Variants in FER1L5 observed in about 807,000 individuals in gnomAD.
The protein encoded by FER1L5 is fer-1-like protein 5.
A neutral mutation model predicts 279.9 loss-of-function variants in FER1L5; 187 were observed. The observed-to-expected ratio is 0.67, with a 90% CI of 0.59 to 0.75. The LOEUF is 0.75. Ranked by LOEUF, FER1L5 falls within the 30% of genes least tolerant of loss-of-function variation. FER1L5 has a pLI of 0.00. For missense variants in FER1L5, 2,091 were observed against 2,594.4 expected (o/e 0.81, Z 4.21); for synonymous variants, 921 against 989.7 (o/e 0.93, Z 1.30).
intron 23 of FER1L5, among the ~76,000 whole-genome samples, chr2:96,687,490 T>C (rs1337765407): frequency 1.3e-5 from 2 of 152,234 alleles, no homozygotes; most frequent in Non-Finnish European, 2.9e-5. Context: ...TCCAGGACTA[T>C]GATGCACACT....
intron 24 of FER1L5, among the ~76,000 whole-genome samples, chr2:96,688,528 G>T (rs1327087433): frequency 6.6e-6 from 1 of 152,206 alleles, no homozygotes; most frequent in African/African-American, 2.4e-5. Context: ...TGGCTCCCCG[G>T]GGGAAGGACA....
rs1277207171 is a variant in FER1L5 at position 96,699,711 on chromosome 2, C to A, written c.4772C>A (p.Ser1591Tyr). 2 of 1,613,832 alleles carry A rather than the reference C, an allele frequency of 1.2e-6. No homozygotes were observed. Among genetic ancestry groups the A allele is most frequent in the Non-Finnish European group, 1.7e-6 (2 of 1,179,854 alleles). The change falls in exon 43 of 53, where the codon TCC (serine) becomes TAC (tyrosine). Residue 1591 changes from serine to tyrosine, a missense_variant. Coordinates refer to ENST00000624922, the MANE Select transcript of FER1L5 (RefSeq NM_001293083.2). Reference sequence around the variant, plus strand: ...GGAGCTCATTGTGGGCTCTCCAAATCCTACTGCCAGTGAGAGTGGGCCCGT... The same window carrying A: ...GGAGCTCATTGTGGGCTCTCCAAATACTACTGCCAGTGAGAGTGGGCCCGT... Reference protein sequence around the residue: ...GFGAHCGLSKSYCQSGPFRWR... With the variant: ...GFGAHCGLSKYYCQSGPFRWR...
intron 12 of FER1L5, 44 bp downstream of exon 12, chr2:96,661,835 T>C (rs2075965287): frequency 6.5e-7 from 1 of 1,549,472 alleles, no homozygotes. Context: ...TGAGATTCCC[T>C]ACACGGTGAT....
In FER1L5 at chr2:96,701,451, C is replaced by T. The variant is rs951225406; in HGVS notation, c.5071-504C>T. On this transcript the variant is annotated intron_variant, in intron 45 of 52. Transcript: ENST00000624922. ...GTTGGCAGTTCTCCCCTTTTCTTTCCTTTTCTCCTCCTTCTCATCCCTTAC... is the reference window on the plus strand; with the variant it reads ...GTTGGCAGTTCTCCCCTTTTCTTTCTTTTTCTCCTCCTTCTCATCCCTTAC... Among the ~76,000 whole-genome samples, 5 of 152,260 alleles carry T rather than the reference C, an allele frequency of 3.3e-5. No homozygotes were observed. In the South Asian group the frequency reaches 1.0e-3, roughly 32 times the overall value.
intron 19 of FER1L5, among the ~76,000 whole-genome samples, chr2:96,679,221 A>T (rs892121714): frequency 6.8e-6 from 1 of 147,978 alleles, no homozygotes; most frequent in African/African-American, 2.5e-5. Context: ...GGCGACACAC[A>T]CCTATAGTTT....
chr2:96,672,411 G>A (rs1309143632), intron 18 of FER1L5, among the ~76,000 whole-genome samples: 1 of 152,112 alleles, frequency 6.6e-6, no homozygotes, highest in Admixed American at 6.6e-5. Context: ...AAGGAAATGA[G>A]AACAGGTGGT....
At position 96,702,268 on chromosome 2, in the gene FER1L5, C is replaced by A. The variant is rs2077611559; in HGVS notation, c.5160-38C>A. The A allele has an allele frequency of 1.3e-6, 2 of 1,594,968 alleles. No homozygotes were observed. The highest frequency in any genetic ancestry group is 4.6e-5 in the East Asian group (2 of 43,866). On this transcript the variant is annotated intron_variant, in intron 46 of 52. Transcript: ENST00000624922. This position sits in a 1 kb window ranked among gnomAD's most constrained non-coding sequence, Gnocchi z 4.0. Reference sequence around the variant, plus strand: ...CCTCACTGAGGCTGCAGCTGGGGAGCTCCTCCTCAGCAAAGCCTCAGAGCA... The same window carrying A: ...CCTCACTGAGGCTGCAGCTGGGGAGATCCTCCTCAGCAAAGCCTCAGAGCA...
chr2:96,689,069 C>A lies in FER1L5; in HGVS notation c.2362-144C>A. On this transcript the variant is annotated intron_variant, in intron 24 of 52. Coordinates refer to ENST00000624922, the MANE Select transcript of FER1L5 (RefSeq NM_001293083.2). This position sits in a 1 kb window ranked among gnomAD's most constrained non-coding sequence, Gnocchi z 4.6. Reference sequence around the variant, plus strand: ...CTGGGCCTCAGTGCCCTCACCTGTGCAATGGGGACATGGCCCTTTCTTGCC... The same window carrying A: ...CTGGGCCTCAGTGCCCTCACCTGTGAAATGGGGACATGGCCCTTTCTTGCC... 1 of 968,740 alleles carries A rather than the reference C, an allele frequency of 1.0e-6. No individual in the cohort carries two copies. Among genetic ancestry groups the A allele is most frequent in the Non-Finnish European group, 1.5e-6 (1 of 664,528 alleles). The allele number at this position is 968,740 out of a possible 1,614,324, so 60.0% of individuals were successfully genotyped here. A position where few individuals can be genotyped will look rare whatever the true frequency, so the allele number is the denominator to read the frequency against.
intron 14 of FER1L5, among the ~76,000 whole-genome samples, chr2:96,668,326 C>T (rs993732991): frequency 3.9e-5 from 6 of 151,938 alleles, no homozygotes; most frequent in South Asian, 4.2e-4. Flanking sequence ...GAGTTCGAGA[C>T]CAGCTTGGGC....
chr2:96,698,723 C>G lies in FER1L5; in HGVS notation c.4409C>G (p.Pro1470Arg). 6.3e-7 allele frequency: 1 copy of G among 1,581,824 alleles called. No homozygotes were observed. Residue 1470 changes from proline (P) to arginine (R), a missense_variant, in exon 41 of 53, where the codon CCG (proline) becomes CGG (arginine). Physicochemically the swap from Pro to Arg is moderately radical, Grantham distance 103. Coordinates refer to ENST00000624922, the MANE Select transcript of FER1L5 (RefSeq NM_001293083.2). The surrounding 1 kb of genome is among the most constrained non-coding windows in gnomAD (Gnocchi z 5.5). ...FPENPEAPKP[P>R]LQFLVWPERE... ...GAGAATCCAGAAGCCCCAAAGCCCC[C>G]GCTGCAGTTCTTGGTTTGGCCAGAG...
Position 96,695,799 on chromosome 2 carries a change from T to C in FER1L5, c.3952T>C (p.Trp1318Arg), listed in dbSNP as rs772908405. Residue 1318 changes from tryptophan (W) to arginine (R), a missense_variant, in exon 36 of 53, where the codon TGG (tryptophan) becomes CGG (arginine). Physicochemically the swap from Trp to Arg is moderately radical, Grantham distance 101. Transcript: ENST00000624922. ...CCTCGTGGTGAAGGTGGTAGACAAC[T>C]GGGCCTTCGGCCAGCAGACCGTGAC... Reference protein sequence around the residue: ...LPLVVKVVDNWAFGQQTVTGQ... With the variant: ...LPLVVKVVDNRAFGQQTVTGQ... The C allele has an allele frequency of 6.2e-7, 1 of 1,613,012 alleles. No homozygotes were observed. The highest frequency in any genetic ancestry group is 1.1e-5 in the South Asian group (1 of 90,816).
In FER1L5 at chr2:96,694,153, T is replaced by G. The variant is rs1214210262; in HGVS notation, c.3636+81T>G. The G allele has an allele frequency of 6.1e-6, 9 of 1,465,006 alleles. No homozygotes were observed. The Admixed American group carries it at 2.1e-4, about 34-fold the overall frequency. The allele number at this position is 1,465,006 out of a possible 1,614,324, so 90.8% of individuals were successfully genotyped here. A position where few individuals can be genotyped will look rare whatever the true frequency, so the allele number is the denominator to read the frequency against. On this transcript the variant is annotated intron_variant, in intron 33 of 52. Transcript: ENST00000624922. This position sits in a 1 kb window ranked among gnomAD's most constrained non-coding sequence, Gnocchi z 4.6. ...CCACCCCCAGCCAGCGGGGGCCAAC[T>G]CCACCCTGTCAGGAAATGCCTGGGG...
Position 96,670,304 on chromosome 2 carries a change from C to T in FER1L5, c.1491+57C>T, listed in dbSNP as rs1023528880. The T allele has an allele frequency of 4.5e-6, 7 of 1,542,720 alleles. No individual in the cohort carries two copies. The Admixed American group carries it at 5.9e-5, about 13-fold the overall frequency. On this transcript the variant is annotated intron_variant, in intron 18 of 52. Coordinates refer to ENST00000624922, the MANE Select transcript of FER1L5 (RefSeq NM_001293083.2). ...AACAAGAGCCCTGTCTGCCCCGGATCTACTGTGGATCCCAGTTTCTGACCG... is the reference window on the plus strand; with the variant it reads ...AACAAGAGCCCTGTCTGCCCCGGATTTACTGTGGATCCCAGTTTCTGACCG...
intron 23 of FER1L5, 113 bp from the exon 24 acceptor site, chr2:96,687,703 C>T: frequency 1.4e-6 from 2 of 1,468,026 alleles, no homozygotes; most frequent in Non-Finnish European, 1.8e-6. Flanking sequence ...TCAGTGAGGG[C>T]CCCGCTCCCA....
chr2:96,659,462 T>C (rs1210083181), intron 9 of FER1L5, among the ~76,000 whole-genome samples: 6 of 27,664 alleles, frequency 2.2e-4, no homozygotes, highest in Non-Finnish European at 3.3e-4. Flanking sequence ...TCTTTCTTTC[T>C]TTCTTTCTTT....
chr2:96,645,899 G>T (rs1399934153), intron 1 of FER1L5, among the ~76,000 whole-genome samples: 5 of 151,704 alleles, frequency 3.3e-5, no homozygotes, highest in Non-Finnish European at 1.5e-5. Flanking sequence ...AAGAAATGTT[G>T]AACCCACACA....
chr2:96,696,134 GGGCCTAA>G (rs2077370177), intron 37 of FER1L5, 57 bp downstream of exon 37: 1 of 1,607,582 alleles, frequency 6.2e-7, no homozygotes, highest in African/African-American at 1.3e-5. Flanking sequence ...TATAACCCTT[GGGCCTAA>G]GGAGGGGTGT....
Position 96,702,218 on chromosome 2 carries a change from AG to A in FER1L5, c.5160-85del. 6.4e-7 allele frequency: 1 copy of A among 1,567,940 alleles called. No homozygotes were observed. The highest frequency in any genetic ancestry group is 8.6e-7 in the Non-Finnish European group (1 of 1,156,806). On this transcript the variant is annotated intron_variant, in intron 46 of 52. Coordinates refer to ENST00000624922, the MANE Select transcript of FER1L5 (RefSeq NM_001293083.2). The surrounding 1 kb of genome is among the most constrained non-coding windows in gnomAD (Gnocchi z 4.0). ...TTCCCCACACTGAGCAAAAACACACAGGGCAGCCTCCCAGGCTTCTCTGCCC... is the reference window on the plus strand; with the variant it reads ...TTCCCCACACTGAGCAAAAACACACAGGCAGCCTCCCAGGCTTCTCTGCCC...
chr2:96,690,000 G>A lies in FER1L5; in HGVS notation c.2640+242G>A, dbSNP rs1056215326. On this transcript the variant is annotated intron_variant, in intron 26 of 52. Coordinates refer to ENST00000624922, the MANE Select transcript of FER1L5 (RefSeq NM_001293083.2). The surrounding 1 kb of genome is among the most constrained non-coding windows in gnomAD (Gnocchi z 4.6). The stretch of plus-strand genomic sequence containing the variant: ...AAAGGGAGGCAATGTTTCTTCCTAG[G>A]CCTCCTTCAAAGGTGCTGCTTACCC... Among the ~76,000 whole-genome samples, 1 of 152,148 alleles carries A rather than the reference G, an allele frequency of 6.6e-6. No individual in the cohort carries two copies. The highest frequency in any genetic ancestry group is 1.5e-5 in the Non-Finnish European group (1 of 68,028).
Sources: gnomAD v4.1 joint callset for allele counts (sites outside exome capture counted in the v4.1 genomes callset) on GRCh38, gnomAD v4.1.1 for gene constraint, Gnocchi (gnomAD v3.1) non-coding constraint, MANE v1.5 for transcripts, NCBI Gene and HGNC (gene_info 2026-07-23, HGNC 2026-07-21) for gene names.